Variants in TMEM132D observed in about 807,000 individuals in gnomAD.
TMEM132D encodes the protein transmembrane protein 132D.
TMEM132D carries 21 observed loss-of-function variants against 62.3 expected under a neutral mutation model. The observed-to-expected ratio is 0.34, with a 90% CI of 0.24 to 0.49. The LOEUF (loss-of-function observed/expected upper bound fraction) is 0.49, where lower values mean the gene tolerates loss of function less well. Among genes scored for constraint, TMEM132D ranks in the 20% least tolerant of loss-of-function variants. TMEM132D has a pLI of 0.99. For missense variants in TMEM132D, 1,346 were observed against 1,402.8 expected (o/e 0.96, Z 0.65); for synonymous variants, 621 against 575.6 (o/e 1.08, Z -1.13).
intron 1 of TMEM132D, among the ~76,000 whole-genome samples, chr12:129,770,110 G>A (rs1451585589): frequency 6.7e-6 from 1 of 150,246 alleles, no homozygotes; most frequent in Admixed American, 6.7e-5. Context: ...CACTGCATAG[G>A]GCCCATGAGA....
Position 129,753,954 on chromosome 12 carries a change from A to T in TMEM132D, c.80-53256T>A, listed in dbSNP as rs911630329. Among the ~76,000 whole-genome samples, 4 of 152,316 alleles carry T rather than the reference A, an allele frequency of 2.6e-5. 1 individual carries two copies. In the Middle Eastern group the frequency reaches 0.014, roughly 518 times the overall value. ...TAGAGCCTGATAACCTCCAGCCGTC[A>T]AATTCCCCTTTATGTTCTAGCATAG... On this transcript the variant is annotated intron_variant, in intron 1 of 8. Coordinates refer to ENST00000422113, the MANE Select transcript of TMEM132D (RefSeq NM_133448.3).
At chr12:129,793,162 C>T (rs2137300073) in intron 1 of TMEM132D, among the ~76,000 whole-genome samples, 1 of 151,846 alleles carries the variant, frequency 6.6e-6, no homozygotes, top group South Asian at 2.1e-4. Flanking sequence ...GATTTCCCAC[C>T]TCAGCCTCCC....
chr12:129,878,213 C>A (rs1040817712), intron 1 of TMEM132D, among the ~76,000 whole-genome samples: 2 of 152,218 alleles, frequency 1.3e-5, no homozygotes, highest in Non-Finnish European at 2.9e-5. Context: ...AAGGACCTAC[C>A]TTAAGCTACT....
intron 3 of TMEM132D, among the ~76,000 whole-genome samples, chr12:129,497,030 G>A (rs570934629): frequency 1.2e-4 from 19 of 152,170 alleles, no homozygotes; most frequent in African/African-American, 4.1e-4. Flanking sequence ...ATTGCTGGCC[G>A]GGCGCAGTGG....
At chr12:129,316,243 C>A (rs1179666830) in intron 4 of TMEM132D, among the ~76,000 whole-genome samples, 1 of 152,160 alleles carries the variant, frequency 6.6e-6, no homozygotes, top group African/African-American at 2.4e-5. Flanking sequence ...CTTAAAATGT[C>A]AGTTTGTGCT....
At chr12:129,103,416 C>T (rs897415320) in intron 5 of TMEM132D, among the ~76,000 whole-genome samples, 11 of 152,232 alleles carry the variant, frequency 7.2e-5, no homozygotes, top group East Asian at 1.9e-4. Context: ...CTGGCTTCCA[C>T]GCCCAGATTT....
In TMEM132D at chr12:129,074,368, A is replaced by G. The variant is rs1565954583; in HGVS notation, c.2807T>C (p.Ile936Thr). The change falls in exon 9 of 9, where the codon ATA becomes ACA. Residue 936 changes from isoleucine (I) to threonine (T), a missense_variant. Transcript: ENST00000422113. ...TTTTAATGCAAAGGTCACACAGTTT[A>G]TCAAGAAGACCAAAATGGCCAAACA... Reference protein sequence around the residue: ...VFCLAILVFLINCVTFALKYR... With the variant: ...VFCLAILVFLTNCVTFALKYR... The G allele has an allele frequency of 8.1e-6, 13 of 1,614,100 alleles. No homozygotes were observed. Among genetic ancestry groups the G allele is most frequent in the Non-Finnish European group, 1.1e-5 (13 of 1,180,034 alleles).
intron 1 of TMEM132D, among the ~76,000 whole-genome samples, chr12:129,767,824 A>T (rs1307316269): frequency 6.6e-6 from 1 of 152,142 alleles, no homozygotes; most frequent in Non-Finnish European, 1.5e-5. Flanking sequence ...ATAAAGATTT[A>T]CCAAGACTTG....
intron 4 of TMEM132D, among the ~76,000 whole-genome samples, chr12:129,279,091 A>G (rs770967398): frequency 4.8e-4 from 73 of 152,222 alleles, no homozygotes; most frequent in Non-Finnish European, 7.8e-4. Context: ...AAATTTAGCC[A>G]CGAAATTTAA....
intron 1 of TMEM132D, among the ~76,000 whole-genome samples, chr12:129,860,772 G>C (rs997088853): frequency 3.9e-5 from 6 of 152,110 alleles, no homozygotes. Flanking sequence ...TGAAAGAAGG[G>C]GAAGCAAACG....
At chr12:129,532,509 A>T (rs912670529) in intron 2 of TMEM132D, among the ~76,000 whole-genome samples, 2 of 152,174 alleles carry the variant, frequency 1.3e-5, no homozygotes, top group Admixed American at 1.3e-4. Flanking sequence ...CAACAACGCT[A>T]TTTCCCATGG....
At chr12:129,238,931 A>T (rs935515694) in intron 4 of TMEM132D, among the ~76,000 whole-genome samples, 1 of 151,190 alleles carries the variant, frequency 6.6e-6, no homozygotes. Flanking sequence ...ACCATGTTAC[A>T]TTTCCACCAA....
At chr12:129,659,604 T>TA (rs34095467) in intron 2 of TMEM132D, among the ~76,000 whole-genome samples, 75,846 of 149,672 alleles carry the variant, frequency 0.51, 19,135 homozygotes, top group Middle Eastern at 0.62. Context: ...GATAAATGGG[T>TA]AAAAAAAAAA....
chr12:129,329,367 A>C (rs1162500520), intron 4 of TMEM132D, among the ~76,000 whole-genome samples: 1 of 152,194 alleles, frequency 6.6e-6, no homozygotes, highest in Non-Finnish European at 1.5e-5. Flanking sequence ...TGTGCTGTGC[A>C]GTGTGACTGA....
At chr12:129,770,144 T>TTTG (rs1555230643) in intron 1 of TMEM132D, among the ~76,000 whole-genome samples, 1 of 90,670 alleles carries the variant, frequency 1.1e-5, no homozygotes, top group African/African-American at 5.7e-5. Context: ...TTTTTGGTTG[T>TTTG]TTTTTTTTTT....
chr12:129,124,603 A>G (rs1399411371), intron 5 of TMEM132D, among the ~76,000 whole-genome samples: 1 of 152,182 alleles, frequency 6.6e-6, no homozygotes, highest in African/African-American at 2.4e-5. Flanking sequence ...TTCATTGCTC[A>G]ACTTCTGGCC....
chr12:129,455,689 G>C (rs1011950936), intron 3 of TMEM132D, among the ~76,000 whole-genome samples: 8 of 152,156 alleles, frequency 5.3e-5, no homozygotes, highest in Admixed American at 5.2e-4. Context: ...GCAAAGGCAC[G>C]GTGGCTCAGG....
chr12:129,166,487 T>C (rs932750113), intron 5 of TMEM132D, among the ~76,000 whole-genome samples: 13 of 151,870 alleles, frequency 8.6e-5, no homozygotes, highest in African/African-American at 3.1e-4. Context: ...GATTCTATCC[T>C]GAAATGTGTA....
intron 2 of TMEM132D, among the ~76,000 whole-genome samples, chr12:129,603,294 C>A (rs2137144439): frequency 6.6e-6 from 1 of 152,294 alleles, no homozygotes; most frequent in Non-Finnish European, 1.5e-5. Context: ...AGCCTCTGTG[C>A]TCTGCCCATC....
Sources: gnomAD v4.1 joint callset for allele counts (sites outside exome capture counted in the v4.1 genomes callset) on GRCh38, gnomAD v4.1.1 for gene constraint, MANE v1.5 for transcripts, NCBI Gene and HGNC (gene_info 2026-07-23, HGNC 2026-07-21) for gene names.